COL5A1: variants seen among roughly 807,000 people sequenced by gnomAD.
COL5A1 encodes the protein collagen alpha-1(V) chain.
Under a neutral mutation model 263.7 loss-of-function variants are expected in COL5A1, and 16 were observed. The observed-to-expected ratio is 0.06, with a 90% CI of 0.04 to 0.09. The LOEUF (loss-of-function observed/expected upper bound fraction) is 0.09, where lower values mean the gene tolerates loss of function less well. Ranked by LOEUF, COL5A1 falls within the 10% of genes least tolerant of loss-of-function variation. The pLI is 1.00. For missense variants in COL5A1, 2,036 were observed against 2,540.5 expected (o/e 0.80, Z 4.27); for synonymous variants, 1,012 against 1,004.5 (o/e 1.01, Z -0.14).
chr9:134,809,854 T>G (rs1014232558), intron 43 of COL5A1, among the ~76,000 whole-genome samples: 1 of 152,220 alleles, frequency 6.6e-6, no homozygotes, highest in Non-Finnish European at 1.5e-5. Flanking sequence ...GCATGGATAA[T>G]GCCTTACATC....
intron 41 of COL5A1, 61 bp from the exon 42 acceptor site, chr9:134,806,128 A>G (rs1395745813): frequency 7.8e-7 from 1 of 1,276,358 alleles, no homozygotes; most frequent in Non-Finnish European, 1.1e-6. Flanking sequence ...GGTGCTTTAC[A>G]AAGTCACGAC....
At chr9:134,691,457 A>G in intron 2 of COL5A1, 1 of 283,622 alleles carries the variant, frequency 3.5e-6, no homozygotes, top group East Asian at 8.0e-5. Context: ...GAAAGGAAGC[A>G]CTTCCAGACA....
At position 134,782,682 on chromosome 9, in the gene COL5A1, C is replaced by A; in HGVS notation, c.2446C>A (p.Pro816Thr). 6.2e-7 allele frequency: 1 copy of A among 1,614,002 alleles called. No homozygotes were observed. Among genetic ancestry groups the A allele is most frequent in the Non-Finnish European group, 8.5e-7 (1 of 1,179,996 alleles). The change falls in exon 29 of 66, where the codon CCT becomes ACT. Residue 816 changes from proline (P) to threonine (T), a missense_variant. Pro to Thr is a conservative substitution (Grantham distance 38). This residue lies in a region of COL5A1 where 1,078 missense variants were observed against 1,521.4 expected (regional missense o/e 0.71). Coordinates refer to ENST00000371817, the MANE Select transcript of COL5A1 (RefSeq NM_000093.5). ...CCATATTCAGGGTGAAGACGGCTTT[C>A]CTGGGTTTAAAGGAGACATGGGCAT... ...TKGEKGEDGF[P>T]GFKGDMGIKG...
chr9:134,736,618 T>G (rs938972751), intron 9 of COL5A1, among the ~76,000 whole-genome samples: 1 of 152,212 alleles, frequency 6.6e-6, no homozygotes, highest in Admixed American at 6.5e-5. Context: ...CAAATTCATG[T>G]CCTTCTCACA....
intron 4 of COL5A1, among the ~76,000 whole-genome samples, chr9:134,702,085 G>A (rs1187728748): frequency 6.6e-6 from 1 of 152,208 alleles, no homozygotes; most frequent in Non-Finnish European, 1.5e-5. Context: ...CTCCTGGGGT[G>A]CTGGGGCGAC....
At chr9:134,715,042 C>G (rs750597646) in intron 4 of COL5A1, among the ~76,000 whole-genome samples, 77 of 151,982 alleles carry the variant, frequency 5.1e-4, no homozygotes, top group Middle Eastern at 3.4e-3. Context: ...AAAAATGGGC[C>G]CAGGGGACCA....
Position 134,789,751 on chromosome 9 carries a change from G to A in COL5A1, c.2700+543G>A, listed in dbSNP as rs928018711. Among the ~76,000 whole-genome samples the A allele has an allele frequency of 2.6e-5, 4 of 152,216 alleles. No individual in the cohort carries two copies. Among genetic ancestry groups the A allele is most frequent in the African/African-American group, 4.8e-5 (2 of 41,464 alleles). On this transcript the variant is annotated intron_variant, in intron 32 of 65. Coordinates refer to ENST00000371817, the MANE Select transcript of COL5A1 (RefSeq NM_000093.5). The surrounding 1 kb of genome is among the most constrained non-coding windows in gnomAD (Gnocchi z 4.8). ...ACCCTCAGCGAAGGAACAGGGGGCC[G>A]GGCTGAGGGAGCTGTGTTCTCCCTG...
chr9:134,787,752 G>A (rs1469160157), intron 31 of COL5A1, among the ~76,000 whole-genome samples: 3 of 152,200 alleles, frequency 2.0e-5, no homozygotes, highest in Admixed American at 6.5e-5. Context: ...CAACGTGCAC[G>A]AGGCACAGAA....
At chr9:134,688,259 C>T (rs973660480) in intron 1 of COL5A1, among the ~76,000 whole-genome samples, 1 of 152,204 alleles carries the variant, frequency 6.6e-6, no homozygotes, top group Non-Finnish European at 1.5e-5. Context: ...GAGCCTGAGT[C>T]TGGGAAGAGC....
chr9:134,732,185 G>A, intron 9 of COL5A1, 58 bp downstream of exon 9: 1 of 1,590,702 alleles, frequency 6.3e-7, no homozygotes. Context: ...CGGGGTCACA[G>A]CGGGGTGTGT....
At chr9:134,792,287 G>T (rs189265609) in intron 32 of COL5A1, among the ~76,000 whole-genome samples, 1 of 152,222 alleles carries the variant, frequency 6.6e-6, no homozygotes, top group East Asian at 1.9e-4. Flanking sequence ...TCTGGTCCCA[G>T]TGTGGGGCAG....
At chr9:134,659,212 C>T (rs188114360) in intron 1 of COL5A1, among the ~76,000 whole-genome samples, 65 of 152,138 alleles carry the variant, frequency 4.3e-4, no homozygotes, top group Admixed American at 4.3e-3. Flanking sequence ...TATGGTGAAA[C>T]CCTGTCTCTA....
chr9:134,688,508 CA>C (rs1833157752), intron 1 of COL5A1, among the ~76,000 whole-genome samples: 1 of 152,182 alleles, frequency 6.6e-6, no homozygotes, highest in African/African-American at 2.4e-5. Context: ...CTTCTCAAGT[CA>C]AAGGCAAAAG....
rs551170408 is a variant in COL5A1, at chr9:134,701,368, C to T, written c.654+35C>T. The T allele has an allele frequency of 5.0e-5, 80 of 1,598,698 alleles. No homozygotes were observed. In the South Asian group the frequency reaches 7.2e-4, roughly 14 times the overall value. ...AGGGCAGACCAACCCCTGTGCCCACCAGGGCACTCCTCCTGTGGAGCCACT... is the reference window on the plus strand; with the variant it reads ...AGGGCAGACCAACCCCTGTGCCCACTAGGGCACTCCTCCTGTGGAGCCACT... On this transcript the variant is annotated intron_variant, in intron 4 of 65. Transcript: ENST00000371817.
chr9:134,730,722 T>G (rs1834849388), intron 7 of COL5A1, among the ~76,000 whole-genome samples: 1 of 152,248 alleles, frequency 6.6e-6, no homozygotes, highest in South Asian at 2.1e-4. Context: ...TTGTCAATTT[T>G]TTGCCTGGAA....
chr9:134,665,056 A>C (rs1832315859), intron 1 of COL5A1, among the ~76,000 whole-genome samples: 3 of 152,144 alleles, frequency 2.0e-5, no homozygotes, highest in African/African-American at 7.2e-5. Flanking sequence ...AAAATTAGCC[A>C]GGTGTGGTGG....
intron 31 of COL5A1, among the ~76,000 whole-genome samples, chr9:134,787,624 C>T (rs1476100634): frequency 6.6e-6 from 1 of 152,232 alleles, no homozygotes; most frequent in African/African-American, 2.4e-5. Context: ...CTGTGTGCAC[C>T]TTGCAAACTT....
intron 13 of COL5A1, among the ~76,000 whole-genome samples, chr9:134,751,643 T>G (rs1246265106): frequency 7.8e-6 from 1 of 127,678 alleles, no homozygotes; most frequent in East Asian, 2.4e-4. Context: ...CCACGATAGG[T>G]GTAAACACTG....
chr9:134,766,184 C>T (rs567543274), intron 21 of COL5A1, among the ~76,000 whole-genome samples: 202 of 152,286 alleles, frequency 1.3e-3, no homozygotes, highest in African/African-American at 4.4e-3. Flanking sequence ...TTCCCAGCCC[C>T]GTGACCTGGT....
Sources: allele counts gnomAD v4.1 joint callset (sites outside exome capture counted in the v4.1 genomes callset), GRCh38; gene constraint gnomAD v4.1.1; regional missense constraint gnomAD v4.1.1; non-coding constraint Gnocchi (gnomAD v3.1); transcripts MANE v1.5; gene names NCBI Gene and HGNC (gene_info 2026-07-23, HGNC 2026-07-21).